The following INPP4B variants were observed in gnomAD, a reference collection of about 807,000 sequenced individuals.
INPP4B encodes inositol polyphosphate-4-phosphatase type II B.
In INPP4B, 55 loss-of-function variants were observed where a neutral mutation model predicts 122.5. The ratio of observed to expected loss-of-function variants is 0.45; its 90% confidence interval spans 0.36 to 0.56. INPP4B has a LOEUF of 0.56. Ranked by LOEUF, INPP4B falls within the 20% of genes least tolerant of loss-of-function variation. The pLI is 0.00. For missense variants in INPP4B, 1,000 were observed against 1,097.7 expected, an observed-to-expected ratio of 0.91 and a Z score of 1.26; for synonymous variants, 403 against 388.7, an observed-to-expected ratio of 1.04 and a Z score of -0.43.
chr4:142,053,095 A>G (rs898843116), intron 25 of INPP4B, among the ~76,000 whole-genome samples: 3 of 152,070 alleles, frequency 2.0e-5, no homozygotes, highest in Non-Finnish European at 4.4e-5. Context: ...GAGAGACTTC[A>G]CAGAGATGTC....
intron 2 of INPP4B, among the ~76,000 whole-genome samples, chr4:142,629,678 A>G (rs1444249148): frequency 1.3e-5 from 2 of 152,108 alleles, no homozygotes; most frequent in African/African-American, 4.8e-5. Flanking sequence ...GGGAAAATTG[A>G]GAAGTTCACT....
chr4:142,151,884 T>C (rs1434229128), intron 17 of INPP4B, among the ~76,000 whole-genome samples: 1 of 152,102 alleles, frequency 6.6e-6, no homozygotes, highest in Non-Finnish European at 1.5e-5. Context: ...GCGCTGAACA[T>C]CAAAGATTTG....
At chr4:142,669,325 A>G (rs1178498953) in intron 2 of INPP4B, among the ~76,000 whole-genome samples, 1 of 152,202 alleles carries the variant, frequency 6.6e-6, no homozygotes, top group Non-Finnish European at 1.5e-5. Context: ...CCCAAAATTC[A>G]TATGACACCA....
chr4:142,290,492 C>T (rs1486612248), intron 9 of INPP4B, among the ~76,000 whole-genome samples: 1 of 152,110 alleles, frequency 6.6e-6, no homozygotes, highest in East Asian at 1.9e-4. Context: ...AGGCGTGAGC[C>T]ACCGTGCCCT....
chr4:142,536,840 G>A (rs1280443424), intron 2 of INPP4B, among the ~76,000 whole-genome samples: 2 of 152,108 alleles, frequency 1.3e-5, no homozygotes, highest in East Asian at 3.9e-4. Flanking sequence ...TCACCAGGCT[G>A]GAGTGCAGTG....
At chr4:142,260,083 C>G (rs1169212985) in intron 11 of INPP4B, among the ~76,000 whole-genome samples, 1 of 152,152 alleles carries the variant, frequency 6.6e-6, no homozygotes, top group African/African-American at 2.4e-5. Context: ...CCCTCGGGTT[C>G]AAGCGATTCT....
chr4:142,103,302 T>C (rs1785384998), intron 23 of INPP4B, among the ~76,000 whole-genome samples: 1 of 152,096 alleles, frequency 6.6e-6, no homozygotes, highest in South Asian at 2.1e-4. Context: ...CTTACACTTA[T>C]GAATGTTCTC....
At chr4:142,542,009 T>C (rs1411538396) in intron 2 of INPP4B, among the ~76,000 whole-genome samples, 1 of 152,166 alleles carries the variant, frequency 6.6e-6, no homozygotes, top group Non-Finnish European at 1.5e-5. Flanking sequence ...GTGAACAGTT[T>C]CCCCAAGAAC....
intron 7 of INPP4B, among the ~76,000 whole-genome samples, chr4:142,399,427 C>T (rs1800881758): frequency 6.6e-6 from 1 of 151,972 alleles, no homozygotes; most frequent in Admixed American, 6.6e-5. Context: ...AATCTCTTGA[C>T]CTCATGATCC....
chr4:142,368,269 T>A (rs562210843), intron 7 of INPP4B, among the ~76,000 whole-genome samples: 1 of 152,280 alleles, frequency 6.6e-6, no homozygotes, highest in African/African-American at 2.4e-5. Context: ...CTTCTCTGTA[T>A]CTATAGTTCC....
intron 9 of INPP4B, among the ~76,000 whole-genome samples, chr4:142,286,608 G>A (rs1753832509): frequency 6.6e-6 from 1 of 151,986 alleles, no homozygotes; most frequent in Non-Finnish European, 1.5e-5. Context: ...TATCAGAATT[G>A]ACTTAAATCA....
intron 7 of INPP4B, among the ~76,000 whole-genome samples, chr4:142,390,716 A>G (rs2148984529): frequency 6.6e-6 from 1 of 152,312 alleles, no homozygotes; most frequent in South Asian, 2.1e-4. Context: ...AATATGTCTG[A>G]GTATATGGTA....
intron 2 of INPP4B, among the ~76,000 whole-genome samples, chr4:142,509,802 G>A (rs1329271925): frequency 6.6e-6 from 1 of 152,124 alleles, no homozygotes; most frequent in Non-Finnish European, 1.5e-5. Flanking sequence ...AGGAATCATG[G>A]CCCCTGCCTC....
chr4:142,306,007 G>T (rs1763212169), intron 8 of INPP4B: 1 of 807,264 alleles, frequency 1.2e-6, no homozygotes, highest in Non-Finnish European at 1.5e-6. Context: ...AAATAGAAAT[G>T]TTATATTTTT....
chr4:142,556,814 G>A (rs981593465), intron 2 of INPP4B, among the ~76,000 whole-genome samples: 1 of 152,142 alleles, frequency 6.6e-6, no homozygotes, highest in South Asian at 2.1e-4. Context: ...AAAGAAGCAC[G>A]CAAATTGCAG....
intron 1 of INPP4B, among the ~76,000 whole-genome samples, chr4:142,781,117 G>T (rs893976303): frequency 6.6e-6 from 1 of 152,216 alleles, no homozygotes; most frequent in Non-Finnish European, 1.5e-5. Flanking sequence ...TGATGGGGCT[G>T]GGTGTCAATG....
chr4:142,206,133 C>T (rs181030244), intron 14 of INPP4B, among the ~76,000 whole-genome samples: 1 of 152,202 alleles, frequency 6.6e-6, no homozygotes, highest in Non-Finnish European at 1.5e-5. Context: ...ATTTACAAGG[C>T]AAAAGAGCTA....
chr4:142,648,566 G>A (rs1190566279), intron 2 of INPP4B, among the ~76,000 whole-genome samples: 1 of 152,208 alleles, frequency 6.6e-6, no homozygotes, highest in Non-Finnish European at 1.5e-5. Flanking sequence ...CTTAATCACT[G>A]CCAGTGCAGC....
At chr4:142,321,119 A>C (rs1019424322) in intron 7 of INPP4B, among the ~76,000 whole-genome samples, 1 of 152,276 alleles carries the variant, frequency 6.6e-6, no homozygotes. Context: ...CCACATCCAC[A>C]CCAACATCTA....
Sources: allele counts gnomAD v4.1 joint callset (sites outside exome capture counted in the v4.1 genomes callset), GRCh38; gene constraint gnomAD v4.1.1; transcripts MANE v1.5; gene names NCBI Gene and HGNC (gene_info 2026-07-23, HGNC 2026-07-21).